PHACTR2: variants seen among roughly 807,000 people sequenced by gnomAD.
PHACTR2 encodes phosphatase and actin regulator 2.
In PHACTR2, 30 loss-of-function variants were observed where a neutral mutation model predicts 76.0. The observed-to-expected ratio is 0.39, with a 90% CI of 0.30 to 0.54. The LOEUF (loss-of-function observed/expected upper bound fraction) is 0.54. Among genes scored for constraint, PHACTR2 ranks in the 20% least tolerant of loss-of-function variants. The probability of loss-of-function intolerance (pLI) is 0.61; values close to 1 mark genes in which losing one functional copy is unlikely to be tolerated. For missense variants in PHACTR2, 696 were observed against 781.1 expected (o/e 0.89, Z 1.30); for synonymous variants, 292 against 292.5 (o/e 1.00, Z 0.02).
Position 143,561,181 on chromosome 6 carries a change from G to A in PHACTR2, c.217+23974G>A, listed in dbSNP as rs1038338626. 3 of 152,270 alleles carry A rather than the reference G, an allele frequency of 2.0e-5. No individual in the cohort carries two copies. Among genetic ancestry groups the A allele is most frequent in the Non-Finnish European group, 2.9e-5 (2 of 68,142 alleles). 9.4% of individuals were successfully genotyped at this position (152,270 alleles called of 1,614,324 possible). On this transcript the variant is annotated intron_variant, in intron 1 of 11. Transcript: ENST00000367584. The surrounding 1 kb of genome is among the most constrained non-coding windows in gnomAD (Gnocchi z 4.1). ...TAGGCACTGACCTTCTGACCTTGGC[G>A]GGATGCTTGAACCATTCTGCCCTTT...
rs1776819025 is a variant in PHACTR2, at chr6:143,654,697, G to A, written c.13+46375G>A. ...TGCACGCCTGTAGTCCTAGTGACTTGGGAGGCTGAGGTTGGAGGACTGCTT... is the reference window on the plus strand; with the variant it reads ...TGCACGCCTGTAGTCCTAGTGACTTAGGAGGCTGAGGTTGGAGGACTGCTT... On this transcript the variant is annotated intron_variant, in intron 1 of 11. Coordinates refer to the PHACTR2 transcript ENST00000305766. This position sits in a 1 kb window ranked among gnomAD's most constrained non-coding sequence, Gnocchi z 4.6. Among the ~76,000 whole-genome samples, 1 of 152,066 alleles carries A rather than the reference G, an allele frequency of 6.6e-6. No individual in the cohort carries two copies. The highest frequency in any genetic ancestry group is 2.4e-5 in the African/African-American group (1 of 41,400).
At chr6:143,635,408 A>G (rs1776434199) in intron 1 of PHACTR2, among the ~76,000 whole-genome samples, 1 of 152,062 alleles carries the variant, frequency 6.6e-6, no homozygotes, top group Admixed American at 6.6e-5. Context: ...CAGTTACTTA[A>G]ATAAATGTAG....
chr6:143,634,555 T>C (rs1776419369), intron 1 of PHACTR2, among the ~76,000 whole-genome samples: 1 of 152,232 alleles, frequency 6.6e-6, no homozygotes, highest in Non-Finnish European at 1.5e-5. Flanking sequence ...TTTGTGTTCA[T>C]TGTACCATAA....
At chr6:143,540,866 G>A (rs1040774998) in intron 1 of PHACTR2, among the ~76,000 whole-genome samples, 1 of 152,178 alleles carries the variant, frequency 6.6e-6, no homozygotes, top group African/African-American at 2.4e-5. Flanking sequence ...GATTCATTTT[G>A]CCATATGGTT....
At chr6:143,716,412 A>G (rs1048842512) in intron 2 of PHACTR2, among the ~76,000 whole-genome samples, 2 of 152,022 alleles carry the variant, frequency 1.3e-5, no homozygotes, top group Non-Finnish European at 1.5e-5. Flanking sequence ...TGCAGCCTCA[A>G]TCTCCTGGCT....
chr6:143,551,385 A>G (rs951369941), intron 1 of PHACTR2, among the ~76,000 whole-genome samples: 1 of 152,218 alleles, frequency 6.6e-6, no homozygotes, highest in Non-Finnish European at 1.5e-5. Flanking sequence ...TCACTCTCAA[A>G]ATACCTTACT....
At chr6:143,732,386 G>C (rs1778719883) in intron 2 of PHACTR2, among the ~76,000 whole-genome samples, 1 of 152,152 alleles carries the variant, frequency 6.6e-6, no homozygotes, top group African/African-American at 2.4e-5. Context: ...TACATATGTG[G>C]TCTTTTATGA....
chr6:143,708,210 A>C lies in PHACTR2; in HGVS notation c.47-3806A>C, dbSNP rs148786048. On this transcript the variant is annotated intron_variant, in intron 1 of 12. Coordinates refer to ENST00000440869, the MANE Select transcript of PHACTR2 (RefSeq NM_001100164.2). The surrounding 1 kb of genome is among the most constrained non-coding windows in gnomAD (Gnocchi z 5.5). Reference sequence around the variant, plus strand: ...TAACTGATACATTTCTGTTTAAATAAAAAATAAAACCTGTGTATATTTTCT... The same window carrying C: ...TAACTGATACATTTCTGTTTAAATACAAAATAAAACCTGTGTATATTTTCT... Among the ~76,000 whole-genome samples the C allele has an allele frequency of 2.3e-4, 35 of 152,360 alleles. No individual in the cohort carries two copies. In the East Asian group the frequency reaches 6.4e-3, roughly 28 times the overall value.
chr6:143,779,933 T>TATTA (rs1775384510), intron 9 of PHACTR2, among the ~76,000 whole-genome samples: 1 of 147,382 alleles, frequency 6.8e-6, no homozygotes, highest in African/African-American at 2.5e-5. Flanking sequence ...TATTATATTA[T>TATTA]ATTATATTAT....
At chr6:143,788,667 G>C (rs1490734226) in intron 10 of PHACTR2, 106 bp from the exon 11 acceptor site, 2 of 622,726 alleles carry the variant, frequency 3.2e-6, no homozygotes, top group African/African-American at 1.9e-5. Flanking sequence ...TGATCTGAAA[G>C]TGACCTTATT....
chr6:143,668,048 C>T (rs964201480), intron 1 of PHACTR2, among the ~76,000 whole-genome samples: 8 of 152,174 alleles, frequency 5.3e-5, no homozygotes, highest in African/African-American at 9.6e-5. Context: ...TTTTGAGATA[C>T]GTTTTATCAA....
chr6:143,589,395 C>T lies in PHACTR2; in HGVS notation c.217+52188C>T, dbSNP rs1295088221. On this transcript the variant is annotated intron_variant, in intron 1 of 11. Transcript: ENST00000367584. The surrounding 1 kb of genome is among the most constrained non-coding windows in gnomAD (Gnocchi z 4.4). Reference sequence around the variant, plus strand: ...TTCCTCCTGCTCCAGCCATGTAAGACGTGCCTGCTTCCTCTTTGCCTTTTG... The same window carrying T: ...TTCCTCCTGCTCCAGCCATGTAAGATGTGCCTGCTTCCTCTTTGCCTTTTG... Among the ~76,000 whole-genome samples, 4 of 152,198 alleles carry T rather than the reference C, an allele frequency of 2.6e-5. No homozygotes were observed. Among genetic ancestry groups the T allele is most frequent in the South Asian group, 2.1e-4 (1 of 4,822 alleles).
rs1408310750 is a variant in PHACTR2, at chr6:143,541,729, T to A, written c.217+4522T>A. ...TCGCATACCTCAATGTACTATCAGT[T>A]CATATGCACTGCTTCCTGGCCACTT... On this transcript the variant is annotated intron_variant, in intron 1 of 11. Coordinates refer to the PHACTR2 transcript ENST00000367584. This position sits in a 1 kb window ranked among gnomAD's most constrained non-coding sequence, Gnocchi z 5.3. Among the ~76,000 whole-genome samples the A allele has an allele frequency of 3.3e-5, 5 of 152,310 alleles. No homozygotes were observed. The South Asian group carries it at 6.2e-4, about 19-fold the overall frequency.
At chr6:143,779,869 C>T (rs1462090656) in intron 9 of PHACTR2, among the ~76,000 whole-genome samples, 1 of 148,992 alleles carries the variant, frequency 6.7e-6, no homozygotes, top group Non-Finnish European at 1.5e-5. Flanking sequence ...GATACTAGAG[C>T]TTTTTAAAAA....
At position 143,829,758 on chromosome 6, in the gene PHACTR2, A is replaced by G. The variant is rs922991425; in HGVS notation, c.*6069A>G. ...AGCCACTATAATTTTTTAAAACATT[A>G]AAGTTTCTAAATTGTTTTTGGGGCC... On this transcript the variant is annotated 3_prime_UTR_variant, in exon 13 of 13. Transcript: ENST00000440869. 2 of 152,250 alleles carry G rather than the reference A, an allele frequency of 1.3e-5. No homozygotes were observed. Among genetic ancestry groups the G allele is most frequent in the Admixed American group, 1.3e-4 (2 of 15,290 alleles). The allele number at this position is 152,250 out of a possible 1,614,324, so 9.4% of individuals were successfully genotyped here.
At position 143,776,986 on chromosome 6, in the gene PHACTR2, G is replaced by A. The variant is rs1484334262; in HGVS notation, c.1590-342G>A. On this transcript the variant is annotated intron_variant, in intron 8 of 12. Transcript: ENST00000440869. This position sits in a 1 kb window ranked among gnomAD's most constrained non-coding sequence, Gnocchi z 5.3. Reference sequence around the variant, plus strand: ...ACCCAGGCATTTTAAGGATGAGAAGGGGAAGTAACAAACATCATTCTGCTC... The same window carrying A: ...ACCCAGGCATTTTAAGGATGAGAAGAGGAAGTAACAAACATCATTCTGCTC... Among the ~76,000 whole-genome samples the A allele has an allele frequency of 1.3e-5, 2 of 152,130 alleles. No homozygotes were observed. The highest frequency in any genetic ancestry group is 2.1e-4 in the South Asian group (1 of 4,826).
At position 143,618,182 on chromosome 6, in the gene PHACTR2, G is replaced by T. The variant is rs987810230; in HGVS notation, c.13+9860G>T. Among the ~76,000 whole-genome samples, 1 of 152,020 alleles carries T rather than the reference G, an allele frequency of 6.6e-6. No individual in the cohort carries two copies. The highest frequency in any genetic ancestry group is 6.6e-5 in the Admixed American group (1 of 15,262). ...TCGATGCTATATTTGCTGTATCCAT[G>T]TGACTTACCACAGGCGCCCTGCTTT... On this transcript the variant is annotated intron_variant, in intron 1 of 11. Transcript: ENST00000305766. This position sits in a 1 kb window ranked among gnomAD's most constrained non-coding sequence, Gnocchi z 5.2.
At chr6:143,566,874 T>A (rs1775371226) in intron 1 of PHACTR2, among the ~76,000 whole-genome samples, 1 of 151,688 alleles carries the variant, frequency 6.6e-6, no homozygotes, top group Non-Finnish European at 1.5e-5. Context: ...CTAAAAAAAA[T>A]TTAACATTAA....
intron 11 of PHACTR2, among the ~76,000 whole-genome samples, chr6:143,804,141 C>A (rs1335275086): frequency 6.6e-6 from 1 of 152,186 alleles, no homozygotes; most frequent in Non-Finnish European, 1.5e-5. Context: ...CTCGGCCCAG[C>A]AGTTTGTTTG....
Sources: gnomAD v4.1 joint callset for allele counts (sites outside exome capture counted in the v4.1 genomes callset) on GRCh38, gnomAD v4.1.1 for gene constraint, Gnocchi (gnomAD v3.1) non-coding constraint, MANE v1.5 for transcripts, NCBI Gene and HGNC (gene_info 2026-07-23, HGNC 2026-07-21) for gene names.